NELL1: variants seen among roughly 807,000 people sequenced by gnomAD.
NELL1 encodes the protein protein kinase C-binding protein NELL1.
A neutral mutation model predicts 107.4 loss-of-function variants in NELL1; 76 were observed. That is an observed-to-expected ratio of 0.71 (90% CI 0.59 to 0.86). The LOEUF (loss-of-function observed/expected upper bound fraction) is 0.86. Ranked by LOEUF, NELL1 falls within the 40% of genes least tolerant of loss-of-function variation. The pLI, the probability that NELL1 is intolerant of heterozygous loss-of-function variation, is 0.00. For missense variants in NELL1, 1,024 were observed against 1,005.5 expected (o/e 1.02, Z -0.25); for synonymous variants, 353 against 341.2 (o/e 1.03, Z -0.38).
At chr11:21,527,104 G>A (rs1855874756) in intron 15 of NELL1, among the ~76,000 whole-genome samples, 1 of 152,108 alleles carries the variant, frequency 6.6e-6, no homozygotes, top group East Asian at 1.9e-4. Context: ...TCTTCCACCA[G>A]ATACCCTAAA....
intron 16 of NELL1, among the ~76,000 whole-genome samples, chr11:21,554,796 ATT>A (rs1856668220): frequency 6.6e-6 from 1 of 151,866 alleles, no homozygotes; most frequent in African/African-American, 2.4e-5. Flanking sequence ...CAACTAATAA[ATT>A]GCAGGGATGG....
intron 13 of NELL1, among the ~76,000 whole-genome samples, chr11:21,170,871 CCTTTTT>C (rs1159770216): frequency 3.3e-5 from 5 of 151,378 alleles, no homozygotes; most frequent in African/African-American, 7.3e-5. Flanking sequence ...ATTAACTTAC[CCTTTTT>C]CTTTTTACTA....
intron 12 of NELL1, among the ~76,000 whole-genome samples, chr11:21,008,348 A>G (rs1157110192): frequency 6.6e-6 from 1 of 152,170 alleles, no homozygotes; most frequent in African/African-American, 2.4e-5. Context: ...TAGTAGAAAG[A>G]TTCAATGAAT....
intron 14 of NELL1, among the ~76,000 whole-genome samples, chr11:21,311,006 ATGTACTG>A (rs2133645382): frequency 6.6e-6 from 1 of 152,256 alleles, no homozygotes; most frequent in South Asian, 2.1e-4. Flanking sequence ...CAAGTAACCC[ATGTACTG>A]GCTTTATGAG....
At chr11:21,412,975 G>T (rs1036637210) in intron 15 of NELL1, among the ~76,000 whole-genome samples, 1 of 152,086 alleles carries the variant, frequency 6.6e-6, no homozygotes, top group Admixed American at 6.6e-5. Context: ...TCTGGCCCCT[G>T]ATTATGGCAC....
At chr11:20,759,859 C>T (rs940839700) in intron 2 of NELL1, among the ~76,000 whole-genome samples, 1 of 152,240 alleles carries the variant, frequency 6.6e-6, no homozygotes, top group Non-Finnish European at 1.5e-5. Flanking sequence ...AGGACTCTTA[C>T]TCCAATTACA....
intron 15 of NELL1, among the ~76,000 whole-genome samples, chr11:21,482,809 G>C (rs1415435471): frequency 6.6e-6 from 1 of 151,258 alleles, no homozygotes; most frequent in African/African-American, 2.4e-5. Flanking sequence ...TTGTTTGTTT[G>C]TTTGTTTGTT....
At chr11:20,985,182 C>A (rs965829324) in intron 12 of NELL1, among the ~76,000 whole-genome samples, 6 of 152,026 alleles carry the variant, frequency 3.9e-5, no homozygotes, top group African/African-American at 1.4e-4. Flanking sequence ...AAATTCATTT[C>A]TACTATTTTA....
intron 15 of NELL1, among the ~76,000 whole-genome samples, chr11:21,455,173 A>C (rs1042364495): frequency 6.6e-6 from 1 of 152,070 alleles, no homozygotes; most frequent in Admixed American, 6.5e-5. Context: ...TTATAGTTTT[A>C]CAGTTTTTCT....
intron 2 of NELL1, among the ~76,000 whole-genome samples, chr11:20,700,839 T>C (rs3018378): frequency 0.19 from 29,601 of 152,074 alleles, 3,180 homozygotes; most frequent in African/African-American, 0.25. Flanking sequence ...GACATGAACT[T>C]ATCCTTTTTT....
chr11:21,088,843 C>T (rs909810227), intron 12 of NELL1, among the ~76,000 whole-genome samples: 11 of 152,074 alleles, frequency 7.2e-5, no homozygotes, highest in Non-Finnish European at 1.2e-4. Flanking sequence ...CAAAGAGGTA[C>T]GAAGTCCTTC....
chr11:21,109,409 A>G (rs999403104), intron 12 of NELL1, among the ~76,000 whole-genome samples: 21 of 152,010 alleles, frequency 1.4e-4, no homozygotes, highest in Admixed American at 8.5e-4. Flanking sequence ...GACTGATTCA[A>G]ATTTTTAGCG....
intron 5 of NELL1, among the ~76,000 whole-genome samples, chr11:20,903,202 G>A (rs1044687112): frequency 6.6e-6 from 1 of 151,872 alleles, no homozygotes; most frequent in Non-Finnish European, 1.5e-5. Context: ...ATATAATTTT[G>A]CCATGTTTCC....
At chr11:21,095,350 T>G in intron 12 of NELL1, among the ~76,000 whole-genome samples, 1 of 152,194 alleles carries the variant, frequency 6.6e-6, no homozygotes, top group East Asian at 1.9e-4. Context: ...TTTTCCTGTC[T>G]TCTTCCGAGC....
chr11:21,069,094 A>G (rs971798040), intron 12 of NELL1, among the ~76,000 whole-genome samples: 1 of 152,126 alleles, frequency 6.6e-6, no homozygotes, highest in Non-Finnish European at 1.5e-5. Flanking sequence ...TTTGGATTTG[A>G]AAGTAGTGAA....
chr11:20,947,772 A>T (rs931665230), intron 11 of NELL1, among the ~76,000 whole-genome samples: 8 of 152,136 alleles, frequency 5.3e-5, no homozygotes, highest in Admixed American at 3.3e-4. Context: ...CATTATCATC[A>T]TTATTACATT....
At chr11:20,891,193 T>G (rs1035746739) in intron 5 of NELL1, among the ~76,000 whole-genome samples, 40 of 152,140 alleles carry the variant, frequency 2.6e-4, no homozygotes, top group African/African-American at 8.7e-4. Flanking sequence ...CCAGAAGAGA[T>G]TGGGGGCCAA....
intron 16 of NELL1, among the ~76,000 whole-genome samples, chr11:21,543,826 C>T (rs1166179887): frequency 1.3e-5 from 2 of 151,992 alleles, no homozygotes; most frequent in Non-Finnish European, 2.9e-5. Flanking sequence ...ACACTAGACT[C>T]GGGCATGAAC....
chr11:21,007,412 CAG>C lies in NELL1; in HGVS notation c.1300+46854_1300+46855del, dbSNP rs201183906. Among the ~76,000 whole-genome samples the C allele has an allele frequency of 3.9e-3, 590 of 150,998 alleles. 5 individuals are homozygous for C. The highest frequency in any genetic ancestry group is 0.013 in the African/African-American group (549 of 41,306). ...AGACACACACACACACACACACACA[CAG>C]ACAGACACGCACATCAGGCATGCAG... is the stretch of plus-strand genomic sequence containing the variant. On this transcript the variant is annotated intron_variant, in intron 12 of 19. Coordinates refer to ENST00000357134, the MANE Select transcript of NELL1 (RefSeq NM_006157.5).
Sources: gnomAD v4.1 joint callset for allele counts (sites outside exome capture counted in the v4.1 genomes callset) on GRCh38, gnomAD v4.1.1 for gene constraint, MANE v1.5 for transcripts, NCBI Gene and HGNC (gene_info 2026-07-23, HGNC 2026-07-21) for gene names.